UNC13C: variants seen among roughly 807,000 people sequenced by gnomAD.
UNC13C encodes protein unc-13 homolog C.
UNC13C carries 174 observed loss-of-function variants against 245.4 expected under a neutral mutation model. That is an observed-to-expected ratio of 0.71 (90% CI 0.63 to 0.80). The LOEUF (loss-of-function observed/expected upper bound fraction) is 0.80. Ranked by LOEUF, UNC13C falls within the 30% of genes least tolerant of loss-of-function variation. The probability of loss-of-function intolerance (pLI) is 0.00; values close to 1 mark genes in which losing one functional copy is unlikely to be tolerated. For missense variants in UNC13C, 2,829 were observed against 2,602.9 expected (o/e 1.09, Z -1.89); for synonymous variants, 992 against 895.1 (o/e 1.11, Z -1.93).
At chr15:54,321,451 C>T (rs907437533) in intron 13 of UNC13C, 6 of 490,624 alleles carry the variant, frequency 1.2e-5, no homozygotes, top group East Asian at 5.5e-5. Flanking sequence ...TCTGCCTTTG[C>T]GGCCTTGCGT....
At chr15:54,277,294 C>T (rs2036857842) in intron 10 of UNC13C, among the ~76,000 whole-genome samples, 1 of 152,126 alleles carries the variant, frequency 6.6e-6, no homozygotes, top group African/African-American at 2.4e-5. Context: ...TAGAATTGGA[C>T]TGGGAGGGAC....
intron 30 of UNC13C, among the ~76,000 whole-genome samples, chr15:54,582,452 G>C (rs568615209): frequency 9.5e-4 from 145 of 152,300 alleles, no homozygotes; most frequent in African/African-American, 3.3e-3. Flanking sequence ...GCTAAATTCA[G>C]GAGGTGATTC....
chr15:54,087,435 G>C (rs1330061205), intron 2 of UNC13C, among the ~76,000 whole-genome samples: 5 of 152,092 alleles, frequency 3.3e-5, no homozygotes, highest in African/African-American at 1.2e-4. Context: ...TTCTGCATGA[G>C]GTTCAAATGT....
chr15:54,126,934 G>C lies in UNC13C; in HGVS notation c.2984-16084G>C, dbSNP rs576940077. 1.6e-4 allele frequency among the ~76,000 whole-genome samples: 24 copies of C among 152,178 alleles called. No homozygotes were observed. The South Asian group carries it at 5.0e-3, about 32-fold the overall frequency. On this transcript the variant is annotated intron_variant, in intron 2 of 32. Transcript: ENST00000260323. Reference sequence around the variant, plus strand: ...ACTTCTCAAAAGAAGACATTTATGCGGCCAATAGTTATATGAAAAAAGCTC... The same window carrying C: ...ACTTCTCAAAAGAAGACATTTATGCCGCCAATAGTTATATGAAAAAAGCTC...
intron 19 of UNC13C, among the ~76,000 whole-genome samples, chr15:54,416,655 CT>C (rs918391976): frequency 6.6e-6 from 1 of 152,100 alleles, no homozygotes; most frequent in African/African-American, 2.4e-5. Context: ...CAGCAAATAA[CT>C]TTTTTTCAGA....
chr15:54,149,103 G>C (rs1372928988), intron 4 of UNC13C, among the ~76,000 whole-genome samples: 1 of 152,058 alleles, frequency 6.6e-6, no homozygotes, highest in Non-Finnish European at 1.5e-5. Flanking sequence ...AATTCCCCCT[G>C]TCCCTGGCTC....
chr15:54,114,449 G>A (rs10851554), intron 2 of UNC13C, among the ~76,000 whole-genome samples: 149,240 of 152,250 alleles, frequency 0.98, 73,218 homozygotes, highest in East Asian at 1. Context: ...TTATACAAAT[G>A]ATGCTATACC....
At chr15:54,506,159 T>C (rs1894464029) in intron 22 of UNC13C, among the ~76,000 whole-genome samples, 1 of 152,154 alleles carries the variant, frequency 6.6e-6, no homozygotes, top group Admixed American at 6.6e-5. Flanking sequence ...CAGCCCAAAC[T>C]TTACCTTAAG....
At chr15:54,063,303 C>T (rs1422484103) in intron 2 of UNC13C, among the ~76,000 whole-genome samples, 1 of 152,046 alleles carries the variant, frequency 6.6e-6, no homozygotes, top group Non-Finnish European at 1.5e-5. Context: ...CAAAGCAAGA[C>T]ACACACGAAG....
chr15:54,533,311 T>C (rs904620165), intron 26 of UNC13C, among the ~76,000 whole-genome samples: 1 of 152,306 alleles, frequency 6.6e-6, no homozygotes, highest in Middle Eastern at 3.4e-3. Flanking sequence ...ATAAATTTTA[T>C]AACTAAGGAG....
At chr15:54,011,731 G>T (rs976547908) in intron 1 of UNC13C, among the ~76,000 whole-genome samples, 6 of 152,198 alleles carry the variant, frequency 3.9e-5, no homozygotes, top group African/African-American at 1.4e-4. Context: ...CATCTCTTTC[G>T]CTCCATCTTT....
the UNC13C span, chr15:53,914,203 G>GAA: frequency 1.3e-5 from 2 of 148,280 alleles, no homozygotes; most frequent in Non-Finnish European, 3.0e-5. Flanking sequence ...AGCCTAGGGG[G>GAA]TGGAGTGTAA....
chr15:54,632,906 C>A, downstream of UNC13C: 1 of 152,482 alleles, frequency 6.6e-6, no homozygotes, highest in Non-Finnish European at 1.5e-5. Flanking sequence ...TGGCTCACGC[C>A]TGTAGTCCCA....
upstream of UNC13C, among the ~76,000 whole-genome samples, chr15:53,976,475 C>CTTTTT (rs879775519): frequency 0.012 from 737 of 63,582 alleles, 43 homozygotes; most frequent in African/African-American, 0.028. Flanking sequence ...CTCTCTCTCT[C>CTTTTT]TCTTTTTTTT....
the UNC13C span, among the ~76,000 whole-genome samples, chr15:53,875,397 C>T: frequency 1.3e-5 from 2 of 152,096 alleles, no homozygotes; most frequent in African/African-American, 4.8e-5. Context: ...AGTCTGTATG[C>T]TCACTGTAGT....
chr15:53,990,698 T>A (rs1400314322), intron 1 of UNC13C, among the ~76,000 whole-genome samples: 1 of 152,020 alleles, frequency 6.6e-6, no homozygotes, highest in Non-Finnish European at 1.5e-5. Context: ...TGCCACTTTG[T>A]TCATTTACAA....
intron 4 of UNC13C, among the ~76,000 whole-genome samples, chr15:54,155,129 G>T (rs548913245): frequency 6.6e-6 from 1 of 152,240 alleles, no homozygotes; most frequent in East Asian, 1.9e-4. Flanking sequence ...AAACTCAGTG[G>T]CTTAAACAAT....
the UNC13C span, among the ~76,000 whole-genome samples, chr15:53,924,482 T>C: frequency 2.0e-5 from 3 of 152,240 alleles, no homozygotes; most frequent in African/African-American, 7.2e-5. Context: ...TCCATTTATA[T>C]TTTTATGAAT....
intron 30 of UNC13C, among the ~76,000 whole-genome samples, chr15:54,604,480 C>T (rs1899641883): frequency 6.6e-6 from 1 of 152,130 alleles, no homozygotes; most frequent in African/African-American, 2.4e-5. Context: ...TTGAGAGGGG[C>T]AGTTGCAGTT....
Sources: gnomAD v4.1 joint callset for allele counts (sites outside exome capture counted in the v4.1 genomes callset) on GRCh38, gnomAD v4.1.1 for gene constraint, MANE v1.5 for transcripts, NCBI Gene and HGNC (gene_info 2026-07-23, HGNC 2026-07-21) for gene names.